The following DLGAP1 variants were observed in gnomAD, a reference collection of about 807,000 sequenced individuals.
DLGAP1 encodes the protein disks large-associated protein 1.
A neutral mutation model predicts 90.8 loss-of-function variants in DLGAP1; 11 were observed. That is an observed-to-expected ratio of 0.12 (90% CI 0.08 to 0.20). The LOEUF (loss-of-function observed/expected upper bound fraction) is 0.20, where lower values mean the gene tolerates loss of function less well. Ranked by LOEUF, DLGAP1 falls within the 10% of genes least tolerant of loss-of-function variation. The pLI, the probability that DLGAP1 is intolerant of heterozygous loss-of-function variation, is 1.00. For synonymous variants in DLGAP1, 558 were observed against 540.7 expected (o/e 1.03, Z -0.44); for missense variants, 1,050 against 1,333.8 (o/e 0.79, Z 3.31).
intron 3 of DLGAP1, among the ~76,000 whole-genome samples, chr18:3,953,393 GC>G (rs2073026991): frequency 6.6e-6 from 1 of 152,120 alleles, no homozygotes; most frequent in Non-Finnish European, 1.5e-5. Context: ...GTGTATGTGT[GC>G]CCTTTGTTTA....
intron 3 of DLGAP1, among the ~76,000 whole-genome samples, chr18:3,928,894 G>A (rs1435750765): frequency 6.6e-6 from 1 of 152,144 alleles, no homozygotes; most frequent in South Asian, 2.1e-4. Flanking sequence ...GACCTGGTGG[G>A]AGGTGATTGG....
intron 4 of DLGAP1, among the ~76,000 whole-genome samples, chr18:3,829,950 G>T (rs763423118): frequency 1.3e-5 from 2 of 152,100 alleles, no homozygotes; most frequent in Non-Finnish European, 2.9e-5. Flanking sequence ...AGACAGGGCC[G>T]CTGCAGTGCT....
chr18:3,708,375 T>C (rs758375442), intron 7 of DLGAP1: 24 of 455,816 alleles, frequency 5.3e-5, no homozygotes, highest in Non-Finnish European at 1.0e-4. Context: ...TTGTGAGAGC[T>C]GTGAATTCAC....
intron 1 of DLGAP1, among the ~76,000 whole-genome samples, chr18:4,197,819 A>G (rs1168600915): frequency 6.6e-6 from 1 of 152,180 alleles, no homozygotes; most frequent in African/African-American, 2.4e-5. Flanking sequence ...GTAGGGAGAA[A>G]TTATTGAATG....
At chr18:4,067,648 C>T (rs984493436) in intron 2 of DLGAP1, among the ~76,000 whole-genome samples, 2 of 151,882 alleles carry the variant, frequency 1.3e-5, no homozygotes, top group African/African-American at 4.8e-5. Flanking sequence ...AAACCTGCTA[C>T]CTGGAGGCTT....
At chr18:4,005,446 G>GT (rs2074280364) in intron 2 of DLGAP1, among the ~76,000 whole-genome samples, 1 of 152,030 alleles carries the variant, frequency 6.6e-6, no homozygotes, top group South Asian at 2.1e-4. Flanking sequence ...TTGTGTTTTG[G>GT]TGATACTCTA....
At chr18:4,366,959 T>G (rs2081784834) in intron 1 of DLGAP1, among the ~76,000 whole-genome samples, 1 of 126,102 alleles carries the variant, frequency 7.9e-6, no homozygotes, top group African/African-American at 3.0e-5. Flanking sequence ...ACTTTCATAA[T>G]ATGTAAATTC....
Position 3,518,390 on chromosome 18 carries a change from T to C in DLGAP1, c.2480-9729A>G, listed in dbSNP as rs536246045. Among the ~76,000 whole-genome samples, 8 of 152,158 alleles carry C rather than the reference T, an allele frequency of 5.3e-5. No homozygotes were observed. The South Asian group carries it at 1.5e-3, about 28-fold the overall frequency. ...TCACAAATCACCATAGCAGATAGAA[T>C]AATAATGAAAACACTTGAAATATTG... On this transcript the variant is annotated intron_variant, in intron 10 of 12. Transcript: ENST00000315677.
At position 4,417,679 on chromosome 18, in the gene DLGAP1, C is replaced by T. The variant is rs558761504; in HGVS notation, c.-267+37327G>A. 2.6e-5 allele frequency among the ~76,000 whole-genome samples: 4 copies of T among 152,060 alleles called. No homozygotes were observed. In the South Asian group the frequency reaches 6.2e-4, roughly 24 times the overall value. Reference sequence around the variant, plus strand: ...CAATTAACACTGCCTCTCTTGGGCACAGGAAAAAACCAATTTCAGCTGAGG... The same window carrying T: ...CAATTAACACTGCCTCTCTTGGGCATAGGAAAAAACCAATTTCAGCTGAGG... On this transcript the variant is annotated intron_variant, in intron 1 of 12. Transcript: ENST00000315677.
intron 1 of DLGAP1, among the ~76,000 whole-genome samples, chr18:4,199,122 A>G (rs1332466516): frequency 2.0e-5 from 3 of 152,226 alleles, no homozygotes; most frequent in Non-Finnish European, 4.4e-5. Flanking sequence ...GTGAAATTGG[A>G]AAAGAGCGGA....
chr18:4,358,881 C>G (rs879766185), intron 1 of DLGAP1, among the ~76,000 whole-genome samples: 1 of 152,254 alleles, frequency 6.6e-6, no homozygotes, highest in Non-Finnish European at 1.5e-5. Context: ...CTGGCACTCA[C>G]TCTGCCACAT....
At chr18:4,277,698 T>C (rs973458924) in intron 1 of DLGAP1, among the ~76,000 whole-genome samples, 3 of 152,232 alleles carry the variant, frequency 2.0e-5, no homozygotes, top group Non-Finnish European at 4.4e-5. Context: ...GGTGGATTGT[T>C]ATCCCACATT....
In DLGAP1 at chr18:3,754,409, TA is replaced by T. The variant is rs2063627546; in HGVS notation, c.1173-11898del. On this transcript the variant is annotated intron_variant, in intron 5 of 12. Transcript: ENST00000315677. ...CCACTTGAGCACTGGTTTTCTTCAA[TA>T]AATGTATTGAAATTTTTTTTTTGGA... is the stretch of plus-strand genomic sequence containing the variant. Among the ~76,000 whole-genome samples, 3 of 152,080 alleles carry T rather than the reference TA, an allele frequency of 2.0e-5. No homozygotes were observed. The South Asian group carries it at 6.2e-4, about 32-fold the overall frequency.
At chr18:3,932,088 C>T (rs57983650) in intron 3 of DLGAP1, among the ~76,000 whole-genome samples, 85 of 152,226 alleles carry the variant, frequency 5.6e-4, no homozygotes, top group African/African-American at 1.9e-3. Context: ...AGAAAGGTTG[C>T]GTGAGGGTGT....
intron 6 of DLGAP1, among the ~76,000 whole-genome samples, chr18:3,741,327 C>A: frequency 7.3e-6 from 1 of 136,488 alleles, no homozygotes; most frequent in Non-Finnish European, 1.5e-5. Context: ...ACCACCACCA[C>A]CATCACCACC....
At chr18:4,412,919 T>G (rs1177629592) in intron 1 of DLGAP1, among the ~76,000 whole-genome samples, 1 of 152,174 alleles carries the variant, frequency 6.6e-6, no homozygotes, top group African/African-American at 2.4e-5. Context: ...GCTGCGATGC[T>G]CAGTGGTGCT....
intron 3 of DLGAP1, among the ~76,000 whole-genome samples, chr18:3,897,366 A>G (rs905310189): frequency 1.3e-5 from 2 of 152,254 alleles, no homozygotes; most frequent in African/African-American, 4.8e-5. Flanking sequence ...CTTCTCAGTT[A>G]TCCACAAAAG....
intron 3 of DLGAP1, among the ~76,000 whole-genome samples, chr18:3,921,479 T>C (rs549801969): frequency 6.6e-6 from 1 of 152,348 alleles, no homozygotes; most frequent in East Asian, 1.9e-4. Context: ...AGTCTGGCTC[T>C]ATCCAATTCT....
At chr18:4,336,405 T>G (rs2143793500) in intron 1 of DLGAP1, among the ~76,000 whole-genome samples, 1 of 152,298 alleles carries the variant, frequency 6.6e-6, no homozygotes, top group Admixed American at 6.5e-5. Context: ...AAGAAGCTGG[T>G]CTGAAGGTAG....
Sources: allele counts gnomAD v4.1 joint callset (sites outside exome capture counted in the v4.1 genomes callset), GRCh38; gene constraint gnomAD v4.1.1; transcripts MANE v1.5; gene names NCBI Gene and HGNC (gene_info 2026-07-23, HGNC 2026-07-21).